UGT2A1: variants seen among roughly 807,000 people sequenced by gnomAD.
The protein encoded by UGT2A1 is UDP-glucuronosyltransferase 2A1.
Under a neutral mutation model 45.4 loss-of-function variants are expected in UGT2A1, and 61 were observed. The ratio of observed to expected loss-of-function variants is 1.34; its 90% CI spans 1.09 to 1.66. The LOEUF (loss-of-function observed/expected upper bound fraction) is 1.66, where lower values mean the gene tolerates loss of function less well. Ranked by LOEUF, UGT2A1 falls within the 40% of genes most tolerant of loss-of-function variation. The pLI is 0.00. For missense variants in UGT2A1, 649 were observed against 574.3 expected (o/e 1.13, Z -1.33); for synonymous variants, 229 against 196.2 (o/e 1.17, Z -1.40).
intron 3 of UGT2A1, among the ~76,000 whole-genome samples, chr4:69,626,220 A>G (rs941093434): frequency 6.6e-6 from 1 of 151,150 alleles, no homozygotes; most frequent in Non-Finnish European, 1.5e-5. Context: ...AATTTCATCC[A>G]TTAGAAGCTT....
At chr4:69,637,633 T>C (rs1009874236) in intron 2 of UGT2A1, among the ~76,000 whole-genome samples, 1 of 152,144 alleles carries the variant, frequency 6.6e-6, no homozygotes, top group African/African-American at 2.4e-5. Context: ...ATATGCAAAC[T>C]CACTCTAAGA....
rs947939024 is a variant in UGT2A1, at chr4:69,596,599, T to G, written c.997-1350A>C. 5.9e-5 allele frequency among the ~76,000 whole-genome samples: 9 copies of G among 152,302 alleles called. No individual in the cohort carries two copies. In the East Asian group the frequency reaches 1.5e-3, roughly 26 times the overall value. On this transcript the variant is annotated intron_variant, in intron 4 of 6. Coordinates refer to ENST00000286604, the MANE Select transcript of UGT2A1 (RefSeq NM_001252275.3). ...GCGCAGTGGCATGATCTCTGCTCAC[T>G]GCAACCTCACCTCCCCGGTTCAAGT... is the stretch of plus-strand genomic sequence containing the variant.
chr4:69,620,800 A>G (rs1720706827), intron 3 of UGT2A1, among the ~76,000 whole-genome samples: 1 of 151,948 alleles, frequency 6.6e-6, no homozygotes, highest in Non-Finnish European at 1.5e-5. Flanking sequence ...AGAAACATAG[A>G]CAAAGGAAAC....
intron 3 of UGT2A1, 112 bp from the exon 4 acceptor site, chr4:69,599,506 G>A (rs1719133612): frequency 2.7e-6 from 4 of 1,465,806 alleles, no homozygotes; most frequent in Non-Finnish European, 3.7e-6. Context: ...ACTGAATTAG[G>A]TCTTCTAGAA....
At chr4:69,589,860 T>C (rs1718489529) in intron 6 of UGT2A1, among the ~76,000 whole-genome samples, 1 of 152,178 alleles carries the variant, frequency 6.6e-6, no homozygotes, top group Non-Finnish European at 1.5e-5. Flanking sequence ...CACAGTATGA[T>C]CAAATGTAGA....
At chr4:69,615,328 C>G (rs1473662630) in intron 3 of UGT2A1, among the ~76,000 whole-genome samples, 1 of 151,948 alleles carries the variant, frequency 6.6e-6, no homozygotes, top group African/African-American at 2.4e-5. Flanking sequence ...ATTAATAAGA[C>G]CTCAGAAGCA....
At chr4:69,616,025 G>T (rs896434852) in intron 3 of UGT2A1, among the ~76,000 whole-genome samples, 2 of 151,996 alleles carry the variant, frequency 1.3e-5, no homozygotes, top group Non-Finnish European at 2.9e-5. Context: ...ATCAATGGGT[G>T]AATCAACGGA....
In UGT2A1 at chr4:69,647,694, C is replaced by T. The variant is rs753522010; in HGVS notation, c.-50G>A. On this transcript the variant is annotated 5_prime_UTR_variant, in exon 2 of 7. Transcript: ENST00000286604. ...GATGAGATGTGAAGCAAATGTTTTT[C>T]TCTGCTTTTAAAGAAAAAAAGGAAA... 1.5e-6 allele frequency: 2 copies of T among 1,296,770 alleles called. No individual in the cohort carries two copies. The highest frequency in any genetic ancestry group is 2.1e-6 in the Non-Finnish European group (2 of 962,618). 80.3% of individuals were successfully genotyped at this position (1,296,770 alleles called of 1,614,324 possible).
In UGT2A1 at chr4:69,605,854, C is replaced by T. The variant is rs1483635646; in HGVS notation, c.848-6460G>A. On this transcript the variant is annotated intron_variant, in intron 3 of 6. Coordinates refer to ENST00000286604, the MANE Select transcript of UGT2A1 (RefSeq NM_001252275.3). ...TGAATAAATTCCTTGACACGTACAC[C>T]CTCCCAAGACTAAATCAGGAAGACA... is the stretch of plus-strand genomic sequence containing the variant. Among the ~76,000 whole-genome samples, 10 of 136,128 alleles carry T rather than the reference C, an allele frequency of 7.3e-5. 2 individuals carry two copies. The highest frequency in any genetic ancestry group is 3.0e-4 in the African/African-American group (10 of 33,532). The allele number at this position is 136,128 out of a possible 152,430, so 89.3% of individuals were successfully genotyped here.
intron 2 of UGT2A1, chr4:69,638,822 T>A (rs1721870694): frequency 1.4e-6 from 2 of 1,444,234 alleles, no homozygotes; most frequent in African/African-American, 2.9e-5. Flanking sequence ...TGCAGTGGAA[T>A]GGAAATCGTT....
At chr4:69,589,698 T>C (rs1718481840) in intron 6 of UGT2A1, 47 bp from the exon 7 acceptor site, 1 of 1,559,636 alleles carries the variant, frequency 6.4e-7, no homozygotes, top group African/African-American at 1.4e-5. Context: ...TTTGTTTTTA[T>C]TTTCATTGAA....
chr4:69,634,369 T>TC (rs2109960852), intron 3 of UGT2A1, among the ~76,000 whole-genome samples: 1 of 151,972 alleles, frequency 6.6e-6, no homozygotes, highest in East Asian at 1.9e-4. Flanking sequence ...TAACAGAAAC[T>TC]CCAAGTTTTC....
intron 2 of UGT2A1, 48 bp downstream of exon 2, chr4:69,646,882 G>A (rs948743522): frequency 7.5e-7 from 1 of 1,329,688 alleles, no homozygotes; most frequent in Non-Finnish European, 1.0e-6. Flanking sequence ...GCTCTACAAA[G>A]GTCTGTTTGT....
intron 3 of UGT2A1, among the ~76,000 whole-genome samples, chr4:69,623,379 A>C (rs2109940342): frequency 6.6e-6 from 1 of 151,892 alleles, no homozygotes; most frequent in East Asian, 1.9e-4. Context: ...TTTTGTGAGA[A>C]TCATCTCGAA....
intron 3 of UGT2A1, among the ~76,000 whole-genome samples, chr4:69,614,951 T>A (rs1295809254): frequency 6.6e-6 from 1 of 151,996 alleles, no homozygotes; most frequent in Admixed American, 6.6e-5. Context: ...AGCAAGCACA[T>A]CTTCACATGG....
chr4:69,610,351 G>A (rs1192992018), intron 3 of UGT2A1, among the ~76,000 whole-genome samples: 1 of 151,888 alleles, frequency 6.6e-6, no homozygotes, highest in African/African-American at 2.4e-5. Context: ...TCTGGGGCAG[G>A]GTACAAATCA....
At chr4:69,593,384 A>G (rs944196665) in intron 6 of UGT2A1, among the ~76,000 whole-genome samples, 9 of 152,042 alleles carry the variant, frequency 5.9e-5, no homozygotes, top group African/African-American at 2.2e-4. Context: ...TGAAATAGAG[A>G]TACATTTCAA....
At chr4:69,626,674 A>C (rs1325725435) in intron 3 of UGT2A1, among the ~76,000 whole-genome samples, 1 of 151,816 alleles carries the variant, frequency 6.6e-6, no homozygotes, top group African/African-American at 2.4e-5. Context: ...GTTACTACTA[A>C]AGAAAGCTGG....
chr4:69,648,995 A>G lies in UGT2A1; in HGVS notation c.-54-1297T>C, dbSNP rs137971894. ...GCCAAAAGCATGCTAACACAATACA[A>G]AATTGTGTAACGCACATTGGATAAT... On this transcript the variant is annotated intron_variant, in intron 1 of 6. Transcript: ENST00000286604. 4.0e-3 allele frequency among the ~76,000 whole-genome samples: 609 copies of G among 152,218 alleles called. 4 individuals are homozygous for G. The highest frequency in any genetic ancestry group is 0.027 in the Middle Eastern group (8 of 292).
Sources: allele counts gnomAD v4.1 joint callset (sites outside exome capture counted in the v4.1 genomes callset), GRCh38; gene constraint gnomAD v4.1.1; transcripts MANE v1.5; gene names NCBI Gene and HGNC (gene_info 2026-07-23, HGNC 2026-07-21).